Variants in EDIL3 observed in about 807,000 individuals in gnomAD.
The protein encoded by EDIL3 is EGF-like repeat and discoidin I-like domain-containing protein 3.
In EDIL3, 37 loss-of-function variants were observed where a neutral mutation model predicts 67.4. That is an observed-to-expected ratio of 0.55 (90% CI 0.42 to 0.72). The LOEUF (loss-of-function observed/expected upper bound fraction) is 0.72, where lower values mean the gene tolerates loss of function less well. Ranked by LOEUF, EDIL3 falls within the 30% of genes least tolerant of loss-of-function variation. The pLI is 0.00. For missense variants in EDIL3, 527 were observed against 586.3 expected (o/e 0.90, Z 1.04); for synonymous variants, 195 against 196.3 (o/e 0.99, Z 0.05).
At position 84,320,851 on chromosome 5, in the gene EDIL3, T is replaced by C. The variant is rs201526957; in HGVS notation, c.67+63457A>G. On this transcript the variant is annotated intron_variant, in intron 1 of 10. Coordinates refer to ENST00000296591, the MANE Select transcript of EDIL3 (RefSeq NM_005711.5). ...AAGAAAAGTTAAGGCAGTTTATATA[T>C]GCAATTGCAACATTTCTTGTGAGTG... Among the ~76,000 whole-genome samples, 22 of 152,328 alleles carry C rather than the reference T, an allele frequency of 1.4e-4. No homozygotes were observed. The East Asian group carries it at 3.9e-3, about 27-fold the overall frequency.
chr5:84,090,435 C>A (rs143664675), intron 6 of EDIL3, among the ~76,000 whole-genome samples: 1 of 152,070 alleles, frequency 6.6e-6, no homozygotes, highest in East Asian at 1.9e-4. Flanking sequence ...AGTTCCATCA[C>A]GGTAGTGATT....
rs572436182 is a variant in EDIL3, at chr5:84,064,876, C to A, written c.808-32G>T. On this transcript the variant is annotated intron_variant, in intron 7 of 10. Transcript: ENST00000296591. ...AAAAACAGTTTAAAATTATTCACTG[C>A]AACAGCTTATTTACCTATTTTTACA... 7 of 1,584,516 alleles carry A rather than the reference C, an allele frequency of 4.4e-6. No homozygotes were observed. The South Asian group carries it at 6.9e-5, about 16-fold the overall frequency.
chr5:83,986,619 T>C (rs2112154579), intron 9 of EDIL3, among the ~76,000 whole-genome samples: 1 of 152,202 alleles, frequency 6.6e-6, no homozygotes, highest in South Asian at 2.1e-4. Flanking sequence ...AATTCCCTTG[T>C]GGGGTCTGAG....
At chr5:84,020,458 G>A (rs576784077) in intron 9 of EDIL3, among the ~76,000 whole-genome samples, 1 of 152,066 alleles carries the variant, frequency 6.6e-6, no homozygotes, top group South Asian at 2.1e-4. Context: ...TCCAGAGAGG[G>A]TTACATTCAG....
chr5:84,351,382 C>T (rs1397541068), intron 1 of EDIL3, among the ~76,000 whole-genome samples: 2 of 152,080 alleles, frequency 1.3e-5, no homozygotes, highest in Non-Finnish European at 2.9e-5. Context: ...CACTAACCAG[C>T]TGTGTATACT....
intron 4 of EDIL3, among the ~76,000 whole-genome samples, chr5:84,142,345 A>T (rs2112321902): frequency 6.6e-6 from 1 of 152,170 alleles, no homozygotes; most frequent in African/African-American, 2.4e-5. Context: ...GAGATGAAAC[A>T]GAGAATTCTT....
intron 9 of EDIL3, among the ~76,000 whole-genome samples, chr5:83,971,405 T>C (rs1744790613): frequency 6.6e-6 from 1 of 151,576 alleles, no homozygotes; most frequent in Non-Finnish European, 1.5e-5. Context: ...GCCTCCTGAG[T>C]AGCTAGGGGC....
At chr5:83,989,971 G>C (rs1043145539) in intron 9 of EDIL3, among the ~76,000 whole-genome samples, 15 of 152,124 alleles carry the variant, frequency 9.9e-5, no homozygotes, top group Non-Finnish European at 1.8e-4. Context: ...CTCTCACACA[G>C]AAACAAATAA....
Position 84,132,388 on chromosome 5 carries a change from T to TTATATATA in EDIL3, c.469+4852_469+4853insTATATATA, listed in dbSNP as rs1160131613. ...ATTATATATATTATATATAATATAT[T>TTATATATA]TTATATATAATATATATTTTAACAT... On this transcript the variant is annotated intron_variant, in intron 5 of 10. Coordinates refer to ENST00000296591, the MANE Select transcript of EDIL3 (RefSeq NM_005711.5). Among the ~76,000 whole-genome samples the TTATATATA allele has an allele frequency of 2.2e-3, 97 of 44,856 alleles. 1 individual carries two copies. The highest frequency in any genetic ancestry group is 3.4e-3 in the Non-Finnish European group (81 of 23,954). The allele number at this position is 44,856 out of a possible 152,430, so 29.4% of individuals were successfully genotyped here.
intron 4 of EDIL3, among the ~76,000 whole-genome samples, chr5:84,157,836 G>A (rs528630334): frequency 5.9e-5 from 9 of 151,954 alleles, no homozygotes; most frequent in African/African-American, 2.2e-4. Context: ...ATAACGTAAC[G>A]CTAAATGTAG....
chr5:84,086,805 T>G (rs1038388205), intron 6 of EDIL3, among the ~76,000 whole-genome samples: 2 of 152,116 alleles, frequency 1.3e-5, no homozygotes, highest in African/African-American at 4.8e-5. Context: ...TGGGTAAATG[T>G]GTGACTACGC....
At chr5:84,289,713 C>T (rs1331154530) in intron 1 of EDIL3, among the ~76,000 whole-genome samples, 1 of 152,170 alleles carries the variant, frequency 6.6e-6, no homozygotes, top group Non-Finnish European at 1.5e-5. Context: ...AGCATTCATT[C>T]ATTTATCTCC....
chr5:84,107,991 T>C (rs930682423), intron 5 of EDIL3, among the ~76,000 whole-genome samples: 10 of 151,110 alleles, frequency 6.6e-5, no homozygotes, highest in Non-Finnish European at 1.0e-4. Flanking sequence ...TTTATCAGAA[T>C]TTATGAAAAT....
At chr5:84,245,472 T>A (rs1049937881) in intron 2 of EDIL3, among the ~76,000 whole-genome samples, 13 of 152,212 alleles carry the variant, frequency 8.5e-5, no homozygotes, top group African/African-American at 2.9e-4. Flanking sequence ...TAATGTTTTT[T>A]AAATGACTTG....
chr5:84,309,990 A>G (rs1195261507), intron 1 of EDIL3, among the ~76,000 whole-genome samples: 1 of 152,134 alleles, frequency 6.6e-6, no homozygotes, highest in African/African-American at 2.4e-5. Flanking sequence ...TCTCCACATC[A>G]GTTTCACTCC....
intron 6 of EDIL3, among the ~76,000 whole-genome samples, chr5:84,072,880 A>C (rs972136633): frequency 2.0e-5 from 3 of 152,156 alleles, no homozygotes; most frequent in Admixed American, 6.6e-5. Context: ...AGATCTTAGC[A>C]TAATGCTGTG....
chr5:84,041,849 C>A (rs1746132361), intron 9 of EDIL3, among the ~76,000 whole-genome samples: 1 of 151,844 alleles, frequency 6.6e-6, no homozygotes, highest in Non-Finnish European at 1.5e-5. Context: ...GCCATCAAAT[C>A]CTACAGCTTT....
Position 84,035,378 on chromosome 5 carries a change from T to C in EDIL3, c.1137+24922A>G, listed in dbSNP as rs181962138. Among the ~76,000 whole-genome samples, 12 of 152,272 alleles carry C rather than the reference T, an allele frequency of 7.9e-5. No homozygotes were observed. In the East Asian group the frequency reaches 2.3e-3, roughly 29 times the overall value. On this transcript the variant is annotated intron_variant, in intron 9 of 10. Transcript: ENST00000296591. ...TTCAGTTTTAATATTAAATAATGTA[T>C]TTTAAACTTTTTTAGCTAGTGGATT...
chr5:84,216,190 T>C (rs1744221525), intron 3 of EDIL3, among the ~76,000 whole-genome samples: 1 of 152,186 alleles, frequency 6.6e-6, no homozygotes, highest in Non-Finnish European at 1.5e-5. Flanking sequence ...AGGAAGCCTG[T>C]AAGAGGAGCT....
Sources: gnomAD v4.1 joint callset for allele counts (sites outside exome capture counted in the v4.1 genomes callset) on GRCh38, gnomAD v4.1.1 for gene constraint, MANE v1.5 for transcripts, NCBI Gene and HGNC (gene_info 2026-07-23, HGNC 2026-07-21) for gene names.